The following TGFB3 variants were observed in gnomAD, a reference collection of about 807,000 sequenced individuals.
The protein encoded by TGFB3 is transforming growth factor beta-3 proprotein.
Under a neutral mutation model 40.1 loss-of-function variants are expected in TGFB3, and 5 were observed. That is an observed-to-expected ratio of 0.12 (90% confidence interval 0.07 to 0.26). The LOEUF is 0.26. TGFB3 is among the 10% of genes least tolerant of loss of function. The pLI, the probability that TGFB3 is intolerant of heterozygous loss-of-function variation, is 1.00. For missense variants in TGFB3, 373 were observed against 530.1 expected (o/e 0.70, Z 2.91); for synonymous variants, 184 against 205.6 (o/e 0.89, Z 0.90).
rs1460205247 is a variant in TGFB3 at position 75,979,641 on chromosome 14, C to T, written c.352+901G>A. Among the ~76,000 whole-genome samples the T allele has an allele frequency of 1.3e-5, 2 of 152,080 alleles. No individual in the cohort carries two copies. The highest frequency in any genetic ancestry group is 2.9e-5 in the Non-Finnish European group (2 of 68,010). ...ACACACAGACATCTCGCCCAGAAGC[C>T]GCCCGGCTCCTCCATGCAGACAGAG... On this transcript the variant is annotated intron_variant, in intron 1 of 6. Transcript: ENST00000238682. This position sits in a 1 kb window ranked among gnomAD's most constrained non-coding sequence, Gnocchi z 4.8.
intron 3 of TGFB3, 193 bp downstream of exon 3, chr14:75,970,933 T>A (rs1215897134): frequency 1.4e-6 from 1 of 721,250 alleles, no homozygotes; most frequent in Non-Finnish European, 2.3e-6. Context: ...TGTGGCTGCA[T>A]CCCCAGGGCC....
intron 1 of TGFB3, among the ~76,000 whole-genome samples, chr14:75,977,215 G>A (rs964080985): frequency 8.5e-5 from 13 of 152,168 alleles, no homozygotes; most frequent in African/African-American, 3.1e-4. Context: ...CGCTGCCCTT[G>A]GCTGAAAACA....
At chr14:75,977,623 G>A (rs903591017) in intron 1 of TGFB3, among the ~76,000 whole-genome samples, 7 of 149,942 alleles carry the variant, frequency 4.7e-5, no homozygotes, top group Non-Finnish European at 8.9e-5. Flanking sequence ...ATTAAATTAG[G>A]GAGAACATTT....
Position 75,971,717 on chromosome 14 carries a change from G to C in TGFB3, c.354C>G (p.Asn118Lys), listed in dbSNP as rs145051522. The stretch of plus-strand genomic sequence containing the variant: ...TTCCTTTAGGGCAGACAGCCAGTTC[G>C]TCTAGGAGATAAAGCAGAGCAGAGG... Reference protein sequence around the residue: ...FDMIQGLAEHNELAVCPKGIT... With the variant: ...FDMIQGLAEHKELAVCPKGIT... The change falls in exon 2 of 7, where the codon AAC becomes AAG. Residue 118 changes from asparagine to lysine, a missense_variant and splice_region_variant. Asn to Lys is a moderately conservative substitution (Grantham distance 94, BLOSUM62 0). Transcript: ENST00000238682. The surrounding 1 kb of genome is among the most constrained non-coding windows in gnomAD (Gnocchi z 4.5). 1 of 1,614,042 alleles carries C rather than the reference G, an allele frequency of 6.2e-7. No homozygotes were observed. Among genetic ancestry groups the C allele is most frequent in the African/African-American group, 1.3e-5 (1 of 74,946 alleles).
chr14:75,971,739 G>A lies in TGFB3; in HGVS notation c.353-21C>T. Reference sequence around the variant, plus strand: ...TTCGTCTAGGAGATAAAGCAGAGCAGAGGGCACAGCATGAGCGAGACATGC... The same window carrying A: ...TTCGTCTAGGAGATAAAGCAGAGCAAAGGGCACAGCATGAGCGAGACATGC... On this transcript the variant is annotated intron_variant, in intron 1 of 6. Coordinates refer to ENST00000238682, the MANE Select transcript of TGFB3 (RefSeq NM_003239.5). This position sits in a 1 kb window ranked among gnomAD's most constrained non-coding sequence, Gnocchi z 4.5. 5.6e-6 allele frequency: 9 copies of A among 1,613,956 alleles called. No individual in the cohort carries two copies. Among genetic ancestry groups the A allele is most frequent in the Non-Finnish European group, 7.6e-6 (9 of 1,179,960 alleles).
At chr14:75,963,875 T>A (rs2035190085) in intron 4 of TGFB3, among the ~76,000 whole-genome samples, 1 of 114,950 alleles carries the variant, frequency 8.7e-6, no homozygotes, top group South Asian at 2.6e-4. Flanking sequence ...GGCTTGTTTA[T>A]TTGTTTGTTT....
In TGFB3 at chr14:75,963,486, G is replaced by A. The variant is rs369435862; in HGVS notation, c.756C>T (p.Gly252=). The part of the protein sequence containing the change: ...IHEVMEIKFK[G]VDNEDDHGRG... ...GGCCATGGTCATCCTCATTGTCCAC[G>A]CCTGAAGAAGGGAAGGAAAGTGACA... The change falls in exon 5 of 7, where the codon GGC becomes GGT. Residue 252 remains glycine (G), a splice_region_variant and synonymous_variant. Coordinates refer to ENST00000238682, the MANE Select transcript of TGFB3 (RefSeq NM_003239.5). 1.1e-5 allele frequency: 17 copies of A among 1,614,014 alleles called. No homozygotes were observed. The highest frequency in any genetic ancestry group is 1.6e-4 in the Middle Eastern group (1 of 6,074).
At chr14:75,977,058 T>C (rs1340508740) in intron 1 of TGFB3, among the ~76,000 whole-genome samples, 1 of 152,232 alleles carries the variant, frequency 6.6e-6, no homozygotes, top group Non-Finnish European at 1.5e-5. Flanking sequence ...TGACCTCTAC[T>C]GTGCAGAGGG....
chr14:75,980,924 G>A lies in TGFB3; in HGVS notation c.-31C>T, dbSNP rs375120782. The A allele has an allele frequency of 1.8e-4, 292 of 1,599,208 alleles. No individual in the cohort carries two copies. The highest frequency in any genetic ancestry group is 2.2e-4 in the Non-Finnish European group (256 of 1,167,786). On this transcript the variant is annotated 5_prime_UTR_variant, in exon 1 of 7. Transcript: ENST00000238682. This position sits in a 1 kb window ranked among gnomAD's most constrained non-coding sequence, Gnocchi z 4.3. ...AGCTGGGAAGAGAGGCCAGGGGGACGGCAAGGCCTGGAGAGGAAGAGACCC... is the reference window on the plus strand; with the variant it reads ...AGCTGGGAAGAGAGGCCAGGGGGACAGCAAGGCCTGGAGAGGAAGAGACCC...
At position 75,980,167 on chromosome 14, in the gene TGFB3, C is replaced by T. The variant is rs1034646401; in HGVS notation, c.352+375G>A. Among the ~76,000 whole-genome samples the T allele has an allele frequency of 6.6e-6, 1 of 152,170 alleles. No homozygotes were observed. Among genetic ancestry groups the T allele is most frequent in the Non-Finnish European group, 1.5e-5 (1 of 68,026 alleles). ...GAACCGTAAGGGCTCCTGACAGAGCCGGCCTTCCCCTTTATGGCACCCAGA... is the reference window on the plus strand; with the variant it reads ...GAACCGTAAGGGCTCCTGACAGAGCTGGCCTTCCCCTTTATGGCACCCAGA... On this transcript the variant is annotated intron_variant, in intron 1 of 6. Coordinates refer to ENST00000238682, the MANE Select transcript of TGFB3 (RefSeq NM_003239.5). This position sits in a 1 kb window ranked among gnomAD's most constrained non-coding sequence, Gnocchi z 4.3.
In TGFB3 at chr14:75,963,304, G is replaced by A; in HGVS notation, c.926+12C>T. The A allele has an allele frequency of 6.2e-7, 1 of 1,613,986 alleles. No homozygotes were observed. Among genetic ancestry groups the A allele is most frequent in the Non-Finnish European group, 8.5e-7 (1 of 1,179,948 alleles). On this transcript the variant is annotated intron_variant, in intron 5 of 6. Transcript: ENST00000238682. ...GCAGTAGATGTTGGTTCCCATGTGG[G>A]CCCAGTCTCACCGGAAGCAGTAATT...
At chr14:75,970,069 T>C (rs950602053) in intron 3 of TGFB3, among the ~76,000 whole-genome samples, 12 of 152,204 alleles carry the variant, frequency 7.9e-5, no homozygotes, top group Non-Finnish European at 1.6e-4. Context: ...TGTAGCTGTC[T>C]GAGTCAGAAT....
In TGFB3 at chr14:75,971,524, G is replaced by A. The variant is rs3917174; in HGVS notation, c.516+31C>T. On this transcript the variant is annotated intron_variant, in intron 2 of 6. Coordinates refer to ENST00000238682, the MANE Select transcript of TGFB3 (RefSeq NM_003239.5). The surrounding 1 kb of genome is among the most constrained non-coding windows in gnomAD (Gnocchi z 4.5). ...TGGCAAAGGAACCAGCTTTCCCGTCGGTGTGGTTTCTGCTCTGAGAGAGGA... is the reference window on the plus strand; with the variant it reads ...TGGCAAAGGAACCAGCTTTCCCGTCAGTGTGGTTTCTGCTCTGAGAGAGGA... 3.8e-4 allele frequency: 606 copies of A among 1,613,266 alleles called. 3 individuals carry two copies. In the African/African-American group the frequency reaches 6.9e-3, roughly 18 times the overall value.
At position 75,973,572 on chromosome 14, in the gene TGFB3, T is replaced by C. The variant is rs150007896; in HGVS notation, c.353-1854A>G. Among the ~76,000 whole-genome samples, 253 of 152,352 alleles carry C rather than the reference T, an allele frequency of 1.7e-3. 2 individuals carry two copies. Among genetic ancestry groups the C allele is most frequent in the Non-Finnish European group, 2.6e-3 (174 of 68,034 alleles). On this transcript the variant is annotated intron_variant, in intron 1 of 6. Coordinates refer to ENST00000238682, the MANE Select transcript of TGFB3 (RefSeq NM_003239.5). ...TCTGAATGTGGATAAGCTACTTGCATTGGCAACCCTATCAAGGACAACAGA... is the reference window on the plus strand; with the variant it reads ...TCTGAATGTGGATAAGCTACTTGCACTGGCAACCCTATCAAGGACAACAGA...
chr14:75,971,342 G>T lies in TGFB3; in HGVS notation c.517-87C>A, dbSNP rs1420350058. On this transcript the variant is annotated intron_variant, in intron 2 of 6. Coordinates refer to ENST00000238682, the MANE Select transcript of TGFB3 (RefSeq NM_003239.5). This position sits in a 1 kb window ranked among gnomAD's most constrained non-coding sequence, Gnocchi z 4.5. ...CAATGCAGAGCACAGGTGAGGGAGC[G>T]ATAGGAAACCAGTGGTTCCTGAATG... is the stretch of plus-strand genomic sequence containing the variant. The T allele has an allele frequency of 6.2e-7, 1 of 1,600,642 alleles. No homozygotes were observed. Among genetic ancestry groups the T allele is most frequent in the Admixed American group, 1.7e-5 (1 of 58,744 alleles).
chr14:75,971,858 G>T lies in TGFB3; in HGVS notation c.353-140C>A. Reference sequence around the variant, plus strand: ...TTGAGGCCTCAGACCGCAAGGTGGAGATACGAGGAAGATTCTTGGTGGCCC... The same window carrying T: ...TTGAGGCCTCAGACCGCAAGGTGGATATACGAGGAAGATTCTTGGTGGCCC... On this transcript the variant is annotated intron_variant, in intron 1 of 6. Transcript: ENST00000238682. This position sits in a 1 kb window ranked among gnomAD's most constrained non-coding sequence, Gnocchi z 4.5. The T allele has an allele frequency of 1.2e-6, 1 of 860,412 alleles. No homozygotes were observed. Among genetic ancestry groups the T allele is most frequent in the Non-Finnish European group, 1.8e-6 (1 of 545,254 alleles). The allele number at this position is 860,412 out of a possible 1,614,324, so 53.3% of individuals were successfully genotyped here.
chr14:75,979,493 G>T lies in TGFB3; in HGVS notation c.352+1049C>A, dbSNP rs2035395942. 6.6e-6 allele frequency among the ~76,000 whole-genome samples: 1 copy of T among 152,184 alleles called. No homozygotes were observed. The highest frequency in any genetic ancestry group is 2.1e-4 in the South Asian group (1 of 4,834). On this transcript the variant is annotated intron_variant, in intron 1 of 6. Transcript: ENST00000238682. This position sits in a 1 kb window ranked among gnomAD's most constrained non-coding sequence, Gnocchi z 4.8. ...TGCTCCCGGAGTCTACGGCCCACGA[G>T]TGGCTCACATTCCTCTTTCCTGGGC... is the stretch of plus-strand genomic sequence containing the variant.
chr14:75,971,741 G>C lies in TGFB3; in HGVS notation c.353-23C>G. On this transcript the variant is annotated intron_variant, in intron 1 of 6. Coordinates refer to ENST00000238682, the MANE Select transcript of TGFB3 (RefSeq NM_003239.5). This position sits in a 1 kb window ranked among gnomAD's most constrained non-coding sequence, Gnocchi z 4.5. ...CGTCTAGGAGATAAAGCAGAGCAGA[G>C]GGCACAGCATGAGCGAGACATGCAG... 6.2e-7 allele frequency: 1 copy of C among 1,613,774 alleles called. No homozygotes were observed. The highest frequency in any genetic ancestry group is 8.5e-7 in the Non-Finnish European group (1 of 1,179,898).
chr14:75,966,860 C>G (rs935743885), intron 3 of TGFB3: 20 of 152,250 alleles, frequency 1.3e-4, no homozygotes, highest in African/African-American at 4.3e-4. Context: ...GGTATCATGT[C>G]AATTCTGGTG....
Sources: allele counts gnomAD v4.1 joint callset (sites outside exome capture counted in the v4.1 genomes callset), GRCh38; gene constraint gnomAD v4.1.1; non-coding constraint Gnocchi (gnomAD v3.1); transcripts MANE v1.5; gene names NCBI Gene and HGNC (gene_info 2026-07-23, HGNC 2026-07-21).